C3orf52: variants seen among roughly 807,000 people sequenced by gnomAD.
The protein encoded by C3orf52 is TPA-induced transmembrane protein.
Under a neutral mutation model 24.8 loss-of-function variants are expected in C3orf52, and 22 were observed. That is an observed-to-expected ratio of 0.89 (90% confidence interval 0.63 to 1.27). The LOEUF is 1.27. C3orf52 is among the 50% of genes most tolerant of loss of function. The probability of loss-of-function intolerance (pLI) is 0.00; values close to 1 mark genes in which losing one functional copy is unlikely to be tolerated. For missense variants in C3orf52, 265 were observed against 260.7 expected (o/e 1.02, Z -0.11); for synonymous variants, 93 against 100.2 (o/e 0.93, Z 0.43).
intron 3 of C3orf52, among the ~76,000 whole-genome samples, chr3:112,107,699 G>A (rs575707910): frequency 2.0e-5 from 3 of 152,210 alleles, no homozygotes; most frequent in Non-Finnish European, 2.9e-5. Flanking sequence ...CTCATGGAAT[G>A]GAGTGCTGTT....
At chr3:112,105,527 C>A (rs747940035) in intron 3 of C3orf52, among the ~76,000 whole-genome samples, 80 of 130,120 alleles carry the variant, frequency 6.1e-4, no homozygotes, top group Non-Finnish European at 5.3e-4. Flanking sequence ...CAATGCAGAA[C>A]ACTTCTTTGG....
chr3:112,099,684 G>A (rs910619473), intron 2 of C3orf52, among the ~76,000 whole-genome samples: 4 of 152,176 alleles, frequency 2.6e-5, no homozygotes, highest in African/African-American at 9.7e-5. Context: ...GTGCATAGTA[G>A]AATGTTTGCA....
downstream of C3orf52, chr3:112,121,045 C>T (rs1289687009): frequency 6.6e-6 from 1 of 152,156 alleles, no homozygotes; most frequent in Non-Finnish European, 1.5e-5. Flanking sequence ...TTTCATAATC[C>T]CTCTTATAAT....
At chr3:112,107,231 A>T (rs1474743466) in intron 3 of C3orf52, among the ~76,000 whole-genome samples, 1 of 152,212 alleles carries the variant, frequency 6.6e-6, no homozygotes, top group Non-Finnish European at 1.5e-5. Flanking sequence ...GGAAGGAGGA[A>T]GCAGAGAAGA....
At position 112,116,648 on chromosome 3, in the gene C3orf52, G is replaced by T. The variant is rs2074135684; in HGVS notation, c.*2G>T. On this transcript the variant is annotated 3_prime_UTR_variant, in exon 6 of 6. Transcript: ENST00000264848. Reference sequence around the variant, plus strand: ...ATCTGTGTTTTCTTTTTAGAATGAAGTGATGGAGGCTGGTCTCTGTCTGAA... The same window carrying T: ...ATCTGTGTTTTCTTTTTAGAATGAATTGATGGAGGCTGGTCTCTGTCTGAA... 6.3e-7 allele frequency: 1 copy of T among 1,577,270 alleles called. No individual in the cohort carries two copies. Among genetic ancestry groups the T allele is most frequent in the African/African-American group, 1.4e-5 (1 of 73,898 alleles).
intron 2 of C3orf52, among the ~76,000 whole-genome samples, chr3:112,100,706 T>C (rs116239513): frequency 1.7e-3 from 252 of 152,314 alleles, no homozygotes; most frequent in African/African-American, 5.4e-3. Flanking sequence ...AAGATACCCA[T>C]TGAAATATTA....
chr3:112,109,652 G>A, intron 4 of C3orf52, 39 bp downstream of exon 4: 1 of 1,262,802 alleles, frequency 7.9e-7, no homozygotes, highest in Non-Finnish European at 1.1e-6. Flanking sequence ...CTCTTTCTCT[G>A]GAAAGAGATC....
intron 4 of C3orf52, among the ~76,000 whole-genome samples, chr3:112,125,049 G>C (rs374827496): frequency 6.6e-6 from 1 of 152,164 alleles, no homozygotes; most frequent in Non-Finnish European, 1.5e-5. Context: ...AGCAGAAGTG[G>C]CTGCTGCTTC....
At chr3:112,102,758 G>A in intron 2 of C3orf52, 80 bp from the exon 3 acceptor site, 1 of 1,275,656 alleles carries the variant, frequency 7.8e-7, no homozygotes, top group Non-Finnish European at 1.1e-6. Flanking sequence ...AAGTATGGCA[G>A]TCAATGGAAT....
At chr3:112,094,407 T>G (rs1293311469) in intron 2 of C3orf52, among the ~76,000 whole-genome samples, 1 of 152,254 alleles carries the variant, frequency 6.6e-6, no homozygotes, top group Non-Finnish European at 1.5e-5. Context: ...TTCCATATAT[T>G]ATTTCATGTT....
intron 1 of C3orf52, among the ~76,000 whole-genome samples, chr3:112,093,016 T>C (rs1178398549): frequency 6.6e-6 from 1 of 152,164 alleles, no homozygotes; most frequent in Non-Finnish European, 1.5e-5. Context: ...ATTATTTGCC[T>C]CTGAAACCCA....
chr3:112,131,286 T>C (rs1208452592), downstream of C3orf52, among the ~76,000 whole-genome samples: 1 of 152,080 alleles, frequency 6.6e-6, no homozygotes, highest in Admixed American at 6.5e-5. Context: ...TCTCTTCCTC[T>C]GAGACTGAGC....
At chr3:112,112,168 A>G (rs908224691) in intron 4 of C3orf52, 20 of 152,272 alleles carry the variant, frequency 1.3e-4, no homozygotes, top group Admixed American at 9.2e-4. Context: ...AACTATGAAT[A>G]AACTAAATGT....
At chr3:112,108,300 G>A (rs745520747) in intron 3 of C3orf52, among the ~76,000 whole-genome samples, 3 of 152,116 alleles carry the variant, frequency 2.0e-5, no homozygotes, top group Non-Finnish European at 2.9e-5. Flanking sequence ...ACAATGTGAA[G>A]CACTATTTTA....
intron 3 of C3orf52, among the ~76,000 whole-genome samples, chr3:112,109,024 A>G (rs1002473443): frequency 6.6e-6 from 1 of 152,222 alleles, no homozygotes; most frequent in African/African-American, 2.4e-5. Context: ...TATTTCATGC[A>G]TAAAATAAAG....
chr3:112,098,111 T>G (rs183481584), intron 2 of C3orf52, among the ~76,000 whole-genome samples: 171 of 152,352 alleles, frequency 1.1e-3, no homozygotes, highest in African/African-American at 3.8e-3. Context: ...CTCCCTTCTT[T>G]CACTGGCACA....
chr3:112,107,083 G>T (rs1408916216), intron 3 of C3orf52, among the ~76,000 whole-genome samples: 3 of 152,156 alleles, frequency 2.0e-5, no homozygotes, highest in African/African-American at 4.8e-5. Flanking sequence ...TGATCAAAAA[G>T]AATCTTCGAG....
intron 1 of C3orf52, among the ~76,000 whole-genome samples, chr3:112,090,922 T>G (rs1249261595): frequency 6.6e-6 from 1 of 152,202 alleles, no homozygotes; most frequent in Non-Finnish European, 1.5e-5. Context: ...CTGAAGATTC[T>G]TTGTACTGGG....
intron 4 of C3orf52, among the ~76,000 whole-genome samples, chr3:112,127,601 C>T (rs1362461001): frequency 1.3e-5 from 2 of 152,144 alleles, no homozygotes. Flanking sequence ...AATCACTTAG[C>T]GAGCTTTAAC....
Sources: allele counts gnomAD v4.1 joint callset (sites outside exome capture counted in the v4.1 genomes callset), GRCh38; gene constraint gnomAD v4.1.1; transcripts MANE v1.5; gene names NCBI Gene and HGNC (gene_info 2026-07-23, HGNC 2026-07-21).